Variants in GALNT10 observed in about 807,000 individuals in gnomAD.
The protein encoded by GALNT10 is polypeptide N-acetylgalactosaminyltransferase 10, also known as GalNAc transferase 10.
A neutral mutation model predicts 75.0 loss-of-function variants in GALNT10; 41 were observed. The observed-to-expected ratio is 0.55, with a 90% CI of 0.43 to 0.71. The LOEUF is 0.71. Among genes scored for constraint, GALNT10 ranks in the 30% least tolerant of loss-of-function variants. The pLI is 0.00. For missense variants in GALNT10, 727 were observed against 818.5 expected, an observed-to-expected ratio of 0.89 and a Z score of 1.36; for synonymous variants, 302 against 313.0, an observed-to-expected ratio of 0.96 and a Z score of 0.37.
At chr5:154,405,569 C>T (rs1756262285) in intron 8 of GALNT10, among the ~76,000 whole-genome samples, 1 of 152,076 alleles carries the variant, frequency 6.6e-6, no homozygotes, top group African/African-American at 2.4e-5. Context: ...TCTCTCGGTA[C>T]GCCCAAGACT....
In GALNT10 at chr5:154,190,748, C is replaced by T. The variant is rs889074564; in HGVS notation, c.-119C>T. 26 of 306,416 alleles carry T rather than the reference C, an allele frequency of 8.5e-5. No homozygotes were observed. The highest frequency in any genetic ancestry group is 4.0e-4 in the Admixed American group (6 of 14,994). 19.0% of individuals were successfully genotyped at this position (306,416 alleles called of 1,614,324 possible). A position where few individuals can be genotyped will look rare whatever the true frequency, so the allele number is the denominator to read the frequency against. ...AAGTGCCGCGGAGTTGGAGCGGGGCCGGCGCCGCAGCCGCTTCTGCTGGCT... is the reference window on the plus strand; with the variant it reads ...AAGTGCCGCGGAGTTGGAGCGGGGCTGGCGCCGCAGCCGCTTCTGCTGGCT... On this transcript the variant is annotated 5_prime_UTR_variant, in exon 1 of 12. Coordinates refer to ENST00000297107, the MANE Select transcript of GALNT10 (RefSeq NM_198321.4).
chr5:154,339,416 A>G (rs1259932475), intron 4 of GALNT10, among the ~76,000 whole-genome samples: 2 of 152,224 alleles, frequency 1.3e-5, no homozygotes, highest in African/African-American at 4.8e-5. Flanking sequence ...CAATTAGTTT[A>G]TAATGAGGGA....
chr5:154,404,486 CAGG>C (rs768220783), intron 8 of GALNT10, among the ~76,000 whole-genome samples: 4 of 152,188 alleles, frequency 2.6e-5, no homozygotes, highest in Non-Finnish European at 5.9e-5. Context: ...CCAGCATTGC[CAGG>C]AGAATTAAGG....
chr5:154,368,981 C>T (rs1347355206), intron 4 of GALNT10, among the ~76,000 whole-genome samples: 4 of 152,206 alleles, frequency 2.6e-5, no homozygotes, highest in African/African-American at 9.7e-5. Flanking sequence ...TGATTCCTGG[C>T]TGTCACCTAC....
Position 154,221,841 on chromosome 5 carries a change from C to T in GALNT10, c.159+30816C>T, listed in dbSNP as rs1011921236. Reference sequence around the variant, plus strand: ...TTCCTGCCACTCTTTATGCTGACACCGCGCTTACAGTAGCAGCTTTCAGAC... The same window carrying T: ...TTCCTGCCACTCTTTATGCTGACACTGCGCTTACAGTAGCAGCTTTCAGAC... On this transcript the variant is annotated intron_variant, in intron 1 of 11. Coordinates refer to ENST00000297107, the MANE Select transcript of GALNT10 (RefSeq NM_198321.4). 5.9e-5 allele frequency among the ~76,000 whole-genome samples: 9 copies of T among 152,328 alleles called. No individual in the cohort carries two copies. The Middle Eastern group carries it at 0.014, about 230-fold the overall frequency.
intron 1 of GALNT10, among the ~76,000 whole-genome samples, chr5:154,197,318 G>A (rs1163345259): frequency 6.6e-6 from 1 of 152,104 alleles, no homozygotes; most frequent in African/African-American, 2.4e-5. Flanking sequence ...TTTCTCTCAA[G>A]CTGAAAAAGA....
chr5:154,287,089 C>A (rs2113063452), intron 1 of GALNT10, among the ~76,000 whole-genome samples: 1 of 152,314 alleles, frequency 6.6e-6, no homozygotes, highest in East Asian at 1.9e-4. Context: ...ACAAAATCAT[C>A]TTTCTCCTTG....
chr5:154,353,308 C>T (rs796780776), intron 4 of GALNT10, among the ~76,000 whole-genome samples: 4 of 152,274 alleles, frequency 2.6e-5, no homozygotes, highest in African/African-American at 9.6e-5. Flanking sequence ...GCAAAACGAC[C>T]TTCTAAATAT....
At chr5:154,392,500 C>G (rs1346188293) in intron 7 of GALNT10, 1 of 152,220 alleles carries the variant, frequency 6.6e-6, no homozygotes, top group Non-Finnish European at 1.5e-5. Flanking sequence ...TCCTAGGACC[C>G]TGGGCCAGTT....
chr5:154,229,492 G>A (rs764788549), intron 1 of GALNT10, among the ~76,000 whole-genome samples: 7 of 152,192 alleles, frequency 4.6e-5, no homozygotes, highest in Non-Finnish European at 1.0e-4. Flanking sequence ...ACTTTGGGAG[G>A]CTGAGGCAGG....
rs774678487 is a variant in GALNT10 at position 154,402,630 on chromosome 5, C to A, written c.1057-1474C>A. Reference sequence around the variant, plus strand: ...TTGGTTTGATAGCTCCACCTTGGGTCTCGCATAGGAGAATAGTCAGGCCAT... The same window carrying A: ...TTGGTTTGATAGCTCCACCTTGGGTATCGCATAGGAGAATAGTCAGGCCAT... On this transcript the variant is annotated intron_variant, in intron 7 of 11. Transcript: ENST00000297107. This position sits in a 1 kb window ranked among gnomAD's most constrained non-coding sequence, Gnocchi z 4.2. 1.3e-5 allele frequency among the ~76,000 whole-genome samples: 2 copies of A among 152,146 alleles called. No homozygotes were observed. The highest frequency in any genetic ancestry group is 2.9e-5 in the Non-Finnish European group (2 of 68,030).
At chr5:154,346,797 C>T (rs577107104) in intron 4 of GALNT10, among the ~76,000 whole-genome samples, 21 of 152,144 alleles carry the variant, frequency 1.4e-4, no homozygotes, top group African/African-American at 4.6e-4. Context: ...TCTTAGAACA[C>T]AAGCTTTAGT....
intron 8 of GALNT10, among the ~76,000 whole-genome samples, chr5:154,405,165 C>T (rs1328140080): frequency 1.3e-5 from 2 of 152,214 alleles, no homozygotes; most frequent in African/African-American, 2.4e-5. Flanking sequence ...TTAGACCGCA[C>T]TGCCTCCTGT....
chr5:154,396,462 T>C (rs1756021328), intron 7 of GALNT10, among the ~76,000 whole-genome samples: 1 of 151,980 alleles, frequency 6.6e-6, no homozygotes, highest in Non-Finnish European at 1.5e-5. Flanking sequence ...CTGTTAGGGA[T>C]CTTTGAGGAA....
chr5:154,330,413 G>T (rs556729142), intron 4 of GALNT10, among the ~76,000 whole-genome samples: 1 of 152,342 alleles, frequency 6.6e-6, no homozygotes, highest in South Asian at 2.1e-4. Context: ...AGCTGGGATT[G>T]CAGTGTCTGG....
chr5:154,356,786 C>T (rs751949189), intron 4 of GALNT10, among the ~76,000 whole-genome samples: 1 of 152,034 alleles, frequency 6.6e-6, no homozygotes, highest in Non-Finnish European at 1.5e-5. Flanking sequence ...CAGAGCTGGG[C>T]CCAGATAAAG....
At chr5:154,285,767 A>G (rs1427537383) in intron 1 of GALNT10, among the ~76,000 whole-genome samples, 1 of 151,992 alleles carries the variant, frequency 6.6e-6, no homozygotes, top group Non-Finnish European at 1.5e-5. Context: ...ATGCAACCTG[A>G]TCTTATCACC....
Position 154,294,864 on chromosome 5 carries a change from A to C in GALNT10, c.208A>C (p.Lys70Gln). 6.2e-7 allele frequency: 1 copy of C among 1,608,636 alleles called. No homozygotes were observed. Among genetic ancestry groups the C allele is most frequent in the Non-Finnish European group, 8.5e-7 (1 of 1,175,028 alleles). The change falls in exon 2 of 12, where the codon AAG (lysine) becomes CAG (glutamine). Residue 70 changes from lysine to glutamine, a missense_variant. Transcript: ENST00000297107. The stretch of plus-strand genomic sequence containing the variant: ...AACGTTTTTCTTGGGAGATGGGCAG[A>C]AGCTGAAGGACTGGCATGACAAGGA... ...KKTFFLGDGQKLKDWHDKEAI... is the reference protein window; with the variant it reads ...KKTFFLGDGQQLKDWHDKEAI...
At chr5:154,386,803 G>C (rs967703950) in intron 7 of GALNT10, 8 of 440,332 alleles carry the variant, frequency 1.8e-5, no homozygotes, top group Non-Finnish European at 3.2e-5. Flanking sequence ...AACAGGATAC[G>C]TAGGCCTAGA....
Sources: allele counts gnomAD v4.1 joint callset (sites outside exome capture counted in the v4.1 genomes callset), GRCh38; gene constraint gnomAD v4.1.1; non-coding constraint Gnocchi (gnomAD v3.1); transcripts MANE v1.5; gene names NCBI Gene and HGNC (gene_info 2026-07-23, HGNC 2026-07-21).